Variants in GIPC2 observed in about 807,000 individuals in gnomAD.
GIPC2 encodes the protein PDZ domain-containing protein GIPC2.
Under a neutral mutation model 30.6 loss-of-function variants are expected in GIPC2, and 30 were observed. The observed-to-expected ratio is 0.98, with a 90% confidence interval of 0.73 to 1.33. GIPC2 has a LOEUF of 1.33. Among genes scored for constraint, GIPC2 ranks in the 40% most tolerant of loss-of-function variants. The probability of loss-of-function intolerance (pLI) is 0.00; values close to 1 mark genes in which losing one functional copy is unlikely to be tolerated. For synonymous variants in GIPC2, 167 were observed against 150.0 expected (o/e 1.11, Z -0.83); for missense variants, 414 against 390.3 (o/e 1.06, Z -0.51).
In GIPC2 at chr1:78,092,075, C is replaced by G. The variant is rs564023436; in HGVS notation, c.427-2877C>G. ...CAAGTAGACCATGTCAGCTTCACCC[C>G]CCGGCTTTGTGTCTGTGGGTGGCCT... is the stretch of plus-strand genomic sequence containing the variant. On this transcript the variant is annotated intron_variant, in intron 2 of 5. Coordinates refer to ENST00000370759, the MANE Select transcript of GIPC2 (RefSeq NM_017655.6). The G allele has an allele frequency of 4.0e-4, 599 of 1,483,028 alleles. 1 individual carries two copies. Among genetic ancestry groups the G allele is most frequent in the Non-Finnish European group, 4.1e-4 (440 of 1,063,964 alleles). 91.9% of individuals were successfully genotyped at this position (1,483,028 alleles called of 1,614,324 possible).
chr1:78,122,997 C>T (rs745872063), intron 4 of GIPC2, among the ~76,000 whole-genome samples: 10 of 152,002 alleles, frequency 6.6e-5, no homozygotes, highest in South Asian at 2.1e-4. Context: ...CAGTAGCTCA[C>T]GCCTGTAATC....
intron 2 of GIPC2, among the ~76,000 whole-genome samples, chr1:78,081,748 A>G (rs1661832494): frequency 1.3e-5 from 2 of 152,228 alleles, no homozygotes; most frequent in African/African-American, 4.8e-5. Context: ...TAGTTATAAT[A>G]GTAACAGACT....
intron 3 of GIPC2, among the ~76,000 whole-genome samples, chr1:78,115,092 C>A (rs1662543314): frequency 6.6e-6 from 1 of 152,152 alleles, no homozygotes; most frequent in South Asian, 2.1e-4. Flanking sequence ...ACTTCTTGGG[C>A]AGGGATGATA....
intron 3 of GIPC2, among the ~76,000 whole-genome samples, chr1:78,112,686 T>C (rs1662493115): frequency 6.6e-6 from 1 of 152,198 alleles, no homozygotes; most frequent in African/African-American, 2.4e-5. Flanking sequence ...GCTTTTGTCT[T>C]CTGTCAGCAC....
chr1:78,086,524 G>T (rs565716815), intron 2 of GIPC2, among the ~76,000 whole-genome samples: 1 of 152,138 alleles, frequency 6.6e-6, no homozygotes, highest in African/African-American at 2.4e-5. Flanking sequence ...TCAGTAGAGT[G>T]TTGAAGTCTC....
In GIPC2 at chr1:78,079,527, G is replaced by A. The variant is rs74915905; in HGVS notation, c.241-1148G>A. On this transcript the variant is annotated intron_variant, in intron 1 of 5. Transcript: ENST00000370759. ...ACTGGTGTGAAACTCCAGGATACTG[G>A]GAGAGGGTTGAGAGTGAGGCCTGAG... Among the ~76,000 whole-genome samples the A allele has an allele frequency of 8.2e-3, 1,242 of 152,310 alleles. 18 individuals carry two copies. Among genetic ancestry groups the A allele is most frequent in the African/African-American group, 0.029 (1,186 of 41,564 alleles).
At chr1:78,046,856 A>C (rs561613385) in intron 1 of GIPC2, among the ~76,000 whole-genome samples, 1 of 152,134 alleles carries the variant, frequency 6.6e-6, no homozygotes, top group East Asian at 1.9e-4. Context: ...AGAGCCTTCC[A>C]GGTAATACCA....
intron 1 of GIPC2, among the ~76,000 whole-genome samples, chr1:78,078,820 C>T (rs1352547878): frequency 9.0e-5 from 13 of 143,716 alleles, no homozygotes; most frequent in African/African-American, 3.4e-4. Context: ...ACTGTGAATA[C>T]CATGGACAGA....
At chr1:78,072,143 A>G (rs566073278) in intron 1 of GIPC2, among the ~76,000 whole-genome samples, 98 of 152,376 alleles carry the variant, frequency 6.4e-4, no homozygotes, top group African/African-American at 2.4e-3. Flanking sequence ...ATTATGATAC[A>G]TCTCACATAA....
At position 78,110,609 on chromosome 1, in the gene GIPC2, C is replaced by T. The variant is rs182642473; in HGVS notation, c.608-8784C>T. Among the ~76,000 whole-genome samples, 18 of 152,252 alleles carry T rather than the reference C, an allele frequency of 1.2e-4. No homozygotes were observed. The East Asian group carries it at 1.5e-3, about 13-fold the overall frequency. ...AATCATTTCTGGAAGGGATAGAGAA[C>T]GAATGAACTGAGAGTTGCCTAGGTG... On this transcript the variant is annotated intron_variant, in intron 3 of 5. Coordinates refer to ENST00000370759, the MANE Select transcript of GIPC2 (RefSeq NM_017655.6).
chr1:78,080,863 A>C lies in GIPC2; in HGVS notation c.426+3A>C. The stretch of plus-strand genomic sequence containing the variant: ...GTGTTGGCTATGCTTTTATAAAGGT[A>C]AGTTTTAAAAAATAACAGTGTAACC... On this transcript the variant is annotated splice_donor_region_variant and intron_variant, in intron 2 of 5. Transcript: ENST00000370759. 1.9e-6 allele frequency: 3 copies of C among 1,547,774 alleles called. No individual in the cohort carries two copies. The highest frequency in any genetic ancestry group is 2.6e-6 in the Non-Finnish European group (3 of 1,136,796).
intron 3 of GIPC2, among the ~76,000 whole-genome samples, chr1:78,115,181 T>A (rs1483854304): frequency 6.6e-6 from 1 of 152,200 alleles, no homozygotes; most frequent in Non-Finnish European, 1.5e-5. Flanking sequence ...TTTTTATTTT[T>A]TTTTCAATGT....
At chr1:78,088,060 C>G (rs776767137) in intron 2 of GIPC2, among the ~76,000 whole-genome samples, 1 of 143,952 alleles carries the variant, frequency 6.9e-6, no homozygotes, top group African/African-American at 2.6e-5. Context: ...GATACCATCT[C>G]ACACCAGTCA....
chr1:78,089,864 T>G (rs188240138), intron 2 of GIPC2, among the ~76,000 whole-genome samples: 1 of 152,296 alleles, frequency 6.6e-6, no homozygotes, highest in African/African-American at 2.4e-5. Flanking sequence ...GGTTATATGG[T>G]CTTTGCTGCA....
At chr1:78,089,620 A>G (rs1312756467) in intron 2 of GIPC2, among the ~76,000 whole-genome samples, 2 of 152,224 alleles carry the variant, frequency 1.3e-5, no homozygotes, top group Admixed American at 1.3e-4. Context: ...TGCTGGGGTT[A>G]CAGGGATGAG....
At chr1:78,122,875 C>G (rs185570883) in intron 4 of GIPC2, among the ~76,000 whole-genome samples, 2 of 152,188 alleles carry the variant, frequency 1.3e-5, no homozygotes, top group Admixed American at 1.3e-4. Context: ...CTATTACAAC[C>G]CAGTGGGATA....
intron 1 of GIPC2, among the ~76,000 whole-genome samples, chr1:78,073,749 G>A (rs1349068371): frequency 6.6e-6 from 1 of 152,098 alleles, no homozygotes; most frequent in East Asian, 1.9e-4. Flanking sequence ...CCTGTTTGTG[G>A]ACCAGAATAT....
intron 1 of GIPC2, among the ~76,000 whole-genome samples, chr1:78,058,682 A>G (rs1661339450): frequency 6.6e-6 from 1 of 152,258 alleles, no homozygotes; most frequent in African/African-American, 2.4e-5. Flanking sequence ...TTCATGATAC[A>G]TATTAATGGC....
At chr1:78,069,006 C>T (rs1280489010) in intron 1 of GIPC2, 1 of 893,018 alleles carries the variant, frequency 1.1e-6, no homozygotes, top group East Asian at 1.2e-4. Context: ...TGCTCTGCCT[C>T]CCCTAGCACC....
Sources: gnomAD v4.1 joint callset for allele counts (sites outside exome capture counted in the v4.1 genomes callset) on GRCh38, gnomAD v4.1.1 for gene constraint, MANE v1.5 for transcripts, NCBI Gene and HGNC (gene_info 2026-07-23, HGNC 2026-07-21) for gene names.